VPS13C: variants seen among roughly 807,000 people sequenced by gnomAD.
The protein encoded by VPS13C is vacuolar protein sorting 13 homolog C.
Under a neutral mutation model 456.8 loss-of-function variants are expected in VPS13C, and 358 were observed. The observed-to-expected ratio is 0.78, with a 90% CI of 0.72 to 0.86. The LOEUF is 0.86. Among genes scored for constraint, VPS13C ranks in the 40% least tolerant of loss-of-function variants. The probability of loss-of-function intolerance (pLI) is 0.00; values close to 1 mark genes in which losing one functional copy is unlikely to be tolerated. For synonymous variants in VPS13C, 1,578 were observed against 1,486.7 expected (o/e 1.06, Z -1.41); for missense variants, 4,818 against 4,385.4 (o/e 1.10, Z -2.79).
At chr15:62,033,650 TA>T in intron 4 of VPS13C, 108 bp from the exon 5 acceptor site, 1 of 557,380 alleles carries the variant, frequency 1.8e-6, no homozygotes, top group Non-Finnish European at 2.8e-6. Flanking sequence ...CCTTCTGCAA[TA>T]CAAAAATACT....
At position 62,037,368 on chromosome 15, in the gene VPS13C, TATA is replaced by T. The variant is rs1567137235; in HGVS notation, c.188-2319_188-2317del. On this transcript the variant is annotated intron_variant, in intron 3 of 84. Coordinates refer to ENST00000644861, the MANE Select transcript of VPS13C (RefSeq NM_020821.3). ...ATATATTATATATAAATGTATATAATATATTATATATAAATGTATATAATATAT... is the reference window on the plus strand; with the variant it reads ...ATATATTATATATAAATGTATATAATTTATATATAAATGTATATAATATAT... 7.9e-4 allele frequency among the ~76,000 whole-genome samples: 71 copies of T among 89,552 alleles called. 13 individuals are homozygous for T. The highest frequency in any genetic ancestry group is 5.1e-3 in the Middle Eastern group (1 of 198). 58.7% of individuals were successfully genotyped at this position (89,552 alleles called of 152,430 possible).
rs1160627605 is a variant in VPS13C at position 61,977,290 on chromosome 15, AT to A, written c.2291-92del. ...TTATTTTTAATGAATATTATTTTAA[AT>A]TGTCAGACATTCTATGGAAAATCAC... On this transcript the variant is annotated intron_variant, in intron 23 of 84. Transcript: ENST00000644861. The A allele has an allele frequency of 1.0e-5, 8 of 775,134 alleles. No individual in the cohort carries two copies. The East Asian group carries it at 1.9e-4, about 19-fold the overall frequency. The allele number at this position is 775,134 out of a possible 1,614,324, so 48.0% of individuals were successfully genotyped here.
chr15:61,856,145 TA>T (rs1355446397), intron 83 of VPS13C, 140 bp downstream of exon 83: 10 of 1,041,122 alleles, frequency 9.6e-6, no homozygotes, highest in Non-Finnish European at 1.3e-5. Flanking sequence ...GTTATTCAAA[TA>T]AATTGATTAC....
chr15:61,887,813 A>G (rs1179948258), intron 67 of VPS13C, among the ~76,000 whole-genome samples: 1 of 152,232 alleles, frequency 6.6e-6, no homozygotes, highest in African/African-American at 2.4e-5. Flanking sequence ...CTTCTTATAT[A>G]CAACACCAAA....
intron 16 of VPS13C, among the ~76,000 whole-genome samples, chr15:61,995,789 A>G (rs1053312296): frequency 1.3e-5 from 2 of 152,258 alleles, no homozygotes. Flanking sequence ...GCAATATTTT[A>G]AAACCTTAAG....
intron 80 of VPS13C, among the ~76,000 whole-genome samples, chr15:61,869,221 G>A (rs983945986): frequency 4.6e-5 from 7 of 150,778 alleles, no homozygotes; most frequent in African/African-American, 7.3e-5. Context: ...AGGTTCACGC[G>A]GTTCTCATGC....
At chr15:62,034,713 T>G (rs998248242) in intron 4 of VPS13C, among the ~76,000 whole-genome samples, 1 of 151,832 alleles carries the variant, frequency 6.6e-6, no homozygotes, top group African/African-American at 2.4e-5. Flanking sequence ...ACAAGTACTC[T>G]TAGAAAACAG....
chr15:62,043,933 G>A (rs1280410166), intron 2 of VPS13C, among the ~76,000 whole-genome samples: 3 of 152,038 alleles, frequency 2.0e-5, no homozygotes, highest in African/African-American at 7.2e-5. Context: ...ACTAGTGAAG[G>A]AAAATATTGC....
intron 81 of VPS13C, chr15:61,865,104 T>C: frequency 1.0e-6 from 1 of 985,032 alleles, no homozygotes. Context: ...CAGTCACTAA[T>C]GGCAGCAGGG....
intron 15 of VPS13C, among the ~76,000 whole-genome samples, chr15:62,004,264 G>A (rs982942433): frequency 1.1e-4 from 17 of 151,160 alleles, no homozygotes; most frequent in Admixed American, 6.6e-4. Flanking sequence ...TGTATGTGTC[G>A]AGGAATTTAT....
rs145862257 is a variant in VPS13C, at chr15:62,024,741, A to T, written c.449-896T>A. 4.6e-5 allele frequency among the ~76,000 whole-genome samples: 7 copies of T among 152,200 alleles called. No individual in the cohort carries two copies. In the East Asian group the frequency reaches 1.4e-3, roughly 29 times the overall value. ...CACAATAAAGTCCTTTTATGATGTGACCCTACATCCCTGTCCTGTTCTATC... is the reference window on the plus strand; with the variant it reads ...CACAATAAAGTCCTTTTATGATGTGTCCCTACATCCCTGTCCTGTTCTATC... On this transcript the variant is annotated intron_variant, in intron 6 of 84. Transcript: ENST00000644861.
intron 73 of VPS13C, among the ~76,000 whole-genome samples, 183 bp from the exon 74 acceptor site, chr15:61,878,929 G>A (rs1366457618): frequency 6.6e-6 from 1 of 151,964 alleles, no homozygotes; most frequent in East Asian, 1.9e-4. Flanking sequence ...TTTGCTTTTT[G>A]ATAGAATACA....
chr15:61,985,908 A>G lies in VPS13C; in HGVS notation c.1579-909T>C, dbSNP rs555760627. Among the ~76,000 whole-genome samples the G allele has an allele frequency of 2.6e-5, 4 of 152,220 alleles. No homozygotes were observed. The East Asian group carries it at 7.7e-4, about 29-fold the overall frequency. On this transcript the variant is annotated intron_variant, in intron 18 of 84. Transcript: ENST00000644861. ...GCTAGCAGGGTCAAAATTGGAAATC[A>G]GTTCCCACCAAAGGGTAAAAGCACT...
At chr15:61,995,882 C>A (rs118058140) in intron 16 of VPS13C, among the ~76,000 whole-genome samples, 12 of 152,332 alleles carry the variant, frequency 7.9e-5, no homozygotes, top group East Asian at 5.8e-4. Flanking sequence ...CAAGCCACTA[C>A]GTTTGTTATA....
rs535425601 is a variant in VPS13C at position 62,008,279 on chromosome 15, A to AC, written c.1118+375dup. Among the ~76,000 whole-genome samples, 8 of 151,898 alleles carry AC rather than the reference A, an allele frequency of 5.3e-5. No individual in the cohort carries two copies. In the South Asian group the frequency reaches 1.7e-3, roughly 32 times the overall value. ...AGCTGGGCGTGGTTGCACACCCCGT[A>AC]CCCCCAGCTACTTGGGAGGCTGAAG... is the stretch of plus-strand genomic sequence containing the variant. On this transcript the variant is annotated intron_variant, in intron 14 of 84. Transcript: ENST00000644861.
intron 16 of VPS13C, among the ~76,000 whole-genome samples, chr15:62,000,292 G>T (rs558057153): frequency 1.3e-5 from 2 of 152,090 alleles, no homozygotes; most frequent in African/African-American, 4.8e-5. Flanking sequence ...TTGCACCCGG[G>T]AGGCAGAGGC....
chr15:62,000,435 TTTC>T, intron 16 of VPS13C, 126 bp downstream of exon 16: 1 of 824,448 alleles, frequency 1.2e-6, no homozygotes, highest in Middle Eastern at 2.5e-4. Flanking sequence ...AGTACTCCAG[TTTC>T]TTTTCTCCTG....
intron 29 of VPS13C, among the ~76,000 whole-genome samples, 182 bp downstream of exon 29, chr15:61,967,186 A>G (rs1266851680): frequency 2.6e-5 from 4 of 152,010 alleles, no homozygotes; most frequent in Non-Finnish European, 5.9e-5. Flanking sequence ...ACTTTGTATA[A>G]TAATAGCCCC....
chr15:61,952,570 A>G (rs2044837975), intron 38 of VPS13C, among the ~76,000 whole-genome samples: 1 of 152,176 alleles, frequency 6.6e-6, no homozygotes, highest in Middle Eastern at 3.2e-3. Context: ...TGATTCATCT[A>G]TCAATGTTTC....
Sources: allele counts gnomAD v4.1 joint callset (sites outside exome capture counted in the v4.1 genomes callset), GRCh38; gene constraint gnomAD v4.1.1; transcripts MANE v1.5; gene names NCBI Gene and HGNC (gene_info 2026-07-23, HGNC 2026-07-21).